Variants in NREP observed in about 807,000 individuals in gnomAD.
NREP encodes the protein neuronal regeneration-related protein.
NREP carries 5 observed loss-of-function variants against 8.6 expected under a neutral mutation model. The ratio of observed to expected loss-of-function variants is 0.58; its 90% CI spans 0.30 to 1.22. The LOEUF (loss-of-function observed/expected upper bound fraction) is 1.22, where lower values mean the gene tolerates loss of function less well. Ranked by LOEUF, NREP falls within the 50% of genes most tolerant of loss-of-function variation. NREP has a pLI of 0.07. For missense variants in NREP, 86 were observed against 82.5 expected, an observed-to-expected ratio of 1.04 and a Z score of -0.17; for synonymous variants, 27 against 28.0, an observed-to-expected ratio of 0.96 and a Z score of 0.11.
intron 2 of NREP, among the ~76,000 whole-genome samples, chr5:111,904,998 A>C (rs530116292): frequency 8.6e-5 from 13 of 150,792 alleles, no homozygotes; most frequent in Non-Finnish European, 1.6e-4. Context: ...TATTCCCCAT[A>C]TCTCTCTCTC....
intron 2 of NREP, among the ~76,000 whole-genome samples, chr5:111,959,494 A>T (rs1011043797): frequency 6.6e-6 from 1 of 152,070 alleles, no homozygotes; most frequent in Non-Finnish European, 1.5e-5. Context: ...TAGTCTAAAC[A>T]TGATTAAAAG....
chr5:111,752,504 A>G (rs1750425630), intron 2 of NREP, among the ~76,000 whole-genome samples: 1 of 152,234 alleles, frequency 6.6e-6, no homozygotes, highest in South Asian at 2.1e-4. Context: ...AGCTATGAAT[A>G]GGACCGCATC....
At chr5:111,801,428 C>T (rs755210976) in intron 2 of NREP, among the ~76,000 whole-genome samples, 1 of 152,172 alleles carries the variant, frequency 6.6e-6, no homozygotes, top group Non-Finnish European at 1.5e-5. Context: ...CCCTTCTTTA[C>T]TTGTGTTCAT....
chr5:111,970,825 CAAAAAAAAAAAAAAAAA>C (rs33962098), intron 2 of NREP, among the ~76,000 whole-genome samples: 5 of 53,640 alleles, frequency 9.3e-5, no homozygotes, highest in Admixed American at 2.3e-4. Flanking sequence ...GACTCCATCT[CAAAAAAAAAAAAAAAAA>C]AAAAAAAGAA....
intron 2 of NREP, among the ~76,000 whole-genome samples, chr5:111,890,117 T>C (rs1011344858): frequency 6.6e-6 from 1 of 152,166 alleles, no homozygotes; most frequent in Non-Finnish European, 1.5e-5. Context: ...GGTACAATCA[T>C]TGGTAAGCAT....
At chr5:111,806,251 C>T (rs1449931262) in intron 2 of NREP, among the ~76,000 whole-genome samples, 1 of 152,136 alleles carries the variant, frequency 6.6e-6, no homozygotes. Flanking sequence ...AGAATACATA[C>T]ACCCAACTAT....
chr5:111,903,128 G>GTCTCACACT (rs1754689359), intron 2 of NREP, among the ~76,000 whole-genome samples: 1 of 137,132 alleles, frequency 7.3e-6, no homozygotes, highest in African/African-American at 2.9e-5. Context: ...CTGTAACCCA[G>GTCTCACACT]GCTGGTGTTC....
intron 2 of NREP, among the ~76,000 whole-genome samples, chr5:111,915,698 CAT>C (rs747233484): frequency 6.6e-6 from 1 of 152,048 alleles, no homozygotes; most frequent in African/African-American, 2.4e-5. Context: ...ACACATAAAA[CAT>C]ATAAACATAA....
intron 2 of NREP, among the ~76,000 whole-genome samples, chr5:111,836,652 G>A (rs888031830): frequency 7.9e-5 from 12 of 151,984 alleles, no homozygotes; most frequent in Non-Finnish European, 1.3e-4. Context: ...GAGCCCCAGA[G>A]AAGGGAGAGA....
intron 2 of NREP, among the ~76,000 whole-genome samples, chr5:111,956,204 C>A (rs1001772738): frequency 2.6e-5 from 4 of 152,020 alleles, no homozygotes; most frequent in African/African-American, 9.7e-5. Flanking sequence ...CAGGAGAATT[C>A]TTCAGGAAAA....
chr5:111,899,520 A>T (rs1192310722), intron 2 of NREP, among the ~76,000 whole-genome samples: 1 of 152,198 alleles, frequency 6.6e-6, no homozygotes, highest in Non-Finnish European at 1.5e-5. Flanking sequence ...TCTCTAAAAA[A>T]AGAAGAAAAA....
chr5:111,918,164 C>T (rs1300084508), intron 2 of NREP, among the ~76,000 whole-genome samples: 1 of 152,026 alleles, frequency 6.6e-6, no homozygotes, highest in African/African-American at 2.4e-5. Flanking sequence ...TGTGAAGGAC[C>T]TCTTCAAGGA....
At chr5:111,768,195 G>C (rs181564284) in intron 2 of NREP, among the ~76,000 whole-genome samples, 42 of 152,278 alleles carry the variant, frequency 2.8e-4, no homozygotes, top group African/African-American at 1.0e-3. Context: ...GGTAGAATTG[G>C]TGGGAGAGTA....
At chr5:111,818,734 G>T (rs1400017730) in intron 2 of NREP, among the ~76,000 whole-genome samples, 1 of 152,200 alleles carries the variant, frequency 6.6e-6, no homozygotes, top group Non-Finnish European at 1.5e-5. Context: ...AAGTAATGTA[G>T]TGTACCATTG....
chr5:111,898,072 C>T (rs1302413215), intron 2 of NREP, among the ~76,000 whole-genome samples: 1 of 152,090 alleles, frequency 6.6e-6, no homozygotes, highest in Non-Finnish European at 1.5e-5. Context: ...GTACCTGGAT[C>T]ATTTAGAGCG....
intron 2 of NREP, among the ~76,000 whole-genome samples, chr5:111,881,312 A>T (rs1198450093): frequency 6.6e-6 from 1 of 152,166 alleles, no homozygotes; most frequent in Non-Finnish European, 1.5e-5. Flanking sequence ...TTAGGTAAAC[A>T]AAGCAGCCTG....
At chr5:111,769,038 C>G (rs255886) in intron 2 of NREP, among the ~76,000 whole-genome samples, 32,755 of 151,970 alleles carry the variant, frequency 0.22, 4,958 homozygotes, top group African/African-American at 0.43. Context: ...TTTTTTTTGA[C>G]TTTTAATAAT....
intron 2 of NREP, among the ~76,000 whole-genome samples, chr5:111,745,561 T>C (rs1426337750): frequency 1.3e-5 from 2 of 152,220 alleles, no homozygotes; most frequent in East Asian, 3.8e-4. Flanking sequence ...CCTTCTCAGA[T>C]GGCTACCAAT....
Position 111,755,761 on chromosome 5 carries a change from A to G in NREP, c.3+9T>C, listed in dbSNP as rs761190299. 1 of 1,613,836 alleles carries G rather than the reference A, an allele frequency of 6.2e-7. No individual in the cohort carries two copies. Among genetic ancestry groups the G allele is most frequent in the Non-Finnish European group, 8.5e-7 (1 of 1,179,736 alleles). ...GTACTGAGAATCTCCTCTGATGACC[A>G]AGTCTTACCATTTTGAGAATCTTAG... is the stretch of plus-strand genomic sequence containing the variant. On this transcript the variant is annotated intron_variant, in intron 2 of 3. Transcript: ENST00000257435.
Sources: allele counts gnomAD v4.1 joint callset (sites outside exome capture counted in the v4.1 genomes callset), GRCh38; gene constraint gnomAD v4.1.1; transcripts MANE v1.5; gene names NCBI Gene and HGNC (gene_info 2026-07-23, HGNC 2026-07-21).